The following RALYL variants were observed in gnomAD, a reference collection of about 807,000 sequenced individuals.
The protein encoded by RALYL is RALY RNA binding protein like.
A neutral mutation model predicts 35.1 loss-of-function variants in RALYL; 29 were observed. The observed-to-expected ratio is 0.83, with a 90% CI of 0.61 to 1.13. The LOEUF is 1.13. Ranked by LOEUF, RALYL falls within the 50% of genes most tolerant of loss-of-function variation. RALYL has a pLI of 0.00. For missense variants in RALYL, 359 were observed against 360.4 expected (o/e 1.00, Z 0.03); for synonymous variants, 120 against 127.6 (o/e 0.94, Z 0.40).
intron 1 of RALYL, among the ~76,000 whole-genome samples, chr8:84,492,586 G>C (rs1292730515): frequency 6.6e-6 from 1 of 151,938 alleles, no homozygotes; most frequent in Non-Finnish European, 1.5e-5. Flanking sequence ...TTATGAAACT[G>C]CTCATGCTTT....
intron 6 of RALYL, among the ~76,000 whole-genome samples, chr8:84,869,980 GAGC>G (rs1223005022): frequency 3.3e-5 from 5 of 152,178 alleles, no homozygotes; most frequent in African/African-American, 9.6e-5. Context: ...TCTATAGAGA[GAGC>G]AGATCTGAAA....
At chr8:84,774,757 C>T in intron 3 of RALYL, 103 bp downstream of exon 3, 1 of 723,728 alleles carries the variant, frequency 1.4e-6, no homozygotes, top group Non-Finnish European at 2.4e-6. Context: ...AAATAATAAT[C>T]CTTATTGGAA....
At chr8:84,524,038 G>A (rs1168515516) in intron 1 of RALYL, among the ~76,000 whole-genome samples, 1 of 151,980 alleles carries the variant, frequency 6.6e-6, no homozygotes, top group Non-Finnish European at 1.5e-5. Flanking sequence ...CCCAGTAATG[G>A]GATGGCTGGG....
rs1365896643 is a variant in RALYL at position 84,888,815 on chromosome 8, TCTC to T, written c.858+1040_858+1042del. ...CCCAGGCTGGAGTGCAGTAGCATGA[TCTC>T]AGCTCACTGCAACCTCCGCCCCCCT... is the stretch of plus-strand genomic sequence containing the variant. On this transcript the variant is annotated intron_variant, in intron 8 of 8. Transcript: ENST00000521268. Among the ~76,000 whole-genome samples the T allele has an allele frequency of 3.9e-5, 6 of 152,316 alleles. No individual in the cohort carries two copies. The East Asian group carries it at 1.2e-3, about 29-fold the overall frequency.
chr8:84,431,608 A>G (rs1373710094), intron 1 of RALYL, among the ~76,000 whole-genome samples: 1 of 152,150 alleles, frequency 6.6e-6, no homozygotes, highest in Non-Finnish European at 1.5e-5. Context: ...GTTGTATAGT[A>G]TCAACCTTTT....
chr8:84,634,079 C>T (rs1345758008), intron 2 of RALYL, among the ~76,000 whole-genome samples: 1 of 151,806 alleles, frequency 6.6e-6, no homozygotes, highest in Non-Finnish European at 1.5e-5. Flanking sequence ...TTAAACTAAG[C>T]ATCAACCTGA....
intron 1 of RALYL, among the ~76,000 whole-genome samples, chr8:84,212,785 C>T (rs1346124282): frequency 6.6e-6 from 1 of 152,172 alleles, no homozygotes; most frequent in East Asian, 1.9e-4. Context: ...GATCAGTATT[C>T]TCTTAGGCAT....
intron 2 of RALYL, among the ~76,000 whole-genome samples, chr8:84,636,957 A>G (rs960324590): frequency 1.3e-5 from 2 of 151,896 alleles, no homozygotes; most frequent in African/African-American, 2.4e-5. Flanking sequence ...TGTTCTAACT[A>G]TTCTGCTGTG....
intron 1 of RALYL, among the ~76,000 whole-genome samples, chr8:84,253,631 G>A (rs1001060661): frequency 5.9e-5 from 9 of 152,122 alleles, no homozygotes; most frequent in Non-Finnish European, 8.8e-5. Flanking sequence ...TACAGTTCTT[G>A]TATCAGACCT....
At chr8:84,281,562 C>T (rs1337221197) in intron 1 of RALYL, among the ~76,000 whole-genome samples, 14 of 151,886 alleles carry the variant, frequency 9.2e-5, no homozygotes, top group Admixed American at 7.2e-4. Flanking sequence ...CCAGAATTAT[C>T]TTCTTCTAAT....
At chr8:84,189,502 G>A (rs1182911090) in intron 1 of RALYL, among the ~76,000 whole-genome samples, 1 of 152,094 alleles carries the variant, frequency 6.6e-6, no homozygotes, top group African/African-American at 2.4e-5. Flanking sequence ...AAATCAAGAT[G>A]AGAGGGAAAG....
At chr8:84,738,607 C>T (rs531553836) in intron 2 of RALYL, among the ~76,000 whole-genome samples, 5 of 152,096 alleles carry the variant, frequency 3.3e-5, no homozygotes, top group Admixed American at 1.3e-4. Context: ...GCCTCTGCAG[C>T]TACATCTTCA....
chr8:84,812,524 A>G (rs1826142707), intron 4 of RALYL, among the ~76,000 whole-genome samples: 2 of 152,122 alleles, frequency 1.3e-5, no homozygotes, highest in South Asian at 4.1e-4. Flanking sequence ...TTCAGCTACC[A>G]GGGTGAGTAG....
intron 1 of RALYL, among the ~76,000 whole-genome samples, chr8:84,334,356 T>C (rs188645738): frequency 0.027 from 4,120 of 152,088 alleles, 98 homozygotes; most frequent in Non-Finnish European, 0.031. Flanking sequence ...TTATCAATTA[T>C]GTATAATAAT....
At chr8:84,220,197 G>A (rs1821852547) in intron 1 of RALYL, among the ~76,000 whole-genome samples, 1 of 152,170 alleles carries the variant, frequency 6.6e-6, no homozygotes, top group South Asian at 2.1e-4. Context: ...TGAGATTAAT[G>A]CTGCTACAGT....
chr8:84,312,866 C>T (rs1459038164), intron 1 of RALYL, among the ~76,000 whole-genome samples: 1 of 152,212 alleles, frequency 6.6e-6, no homozygotes, highest in East Asian at 1.9e-4. Context: ...CTCACAGCTC[C>T]ACTAGGCTCT....
intron 2 of RALYL, among the ~76,000 whole-genome samples, chr8:84,752,916 G>A (rs1189837912): frequency 1.3e-5 from 2 of 152,150 alleles, no homozygotes; most frequent in Non-Finnish European, 2.9e-5. Flanking sequence ...GTGTAAAGGG[G>A]CAATAAGTCC....
intron 1 of RALYL, among the ~76,000 whole-genome samples, chr8:84,428,616 G>A (rs1234198982): frequency 6.6e-6 from 1 of 151,990 alleles, no homozygotes; most frequent in African/African-American, 2.4e-5. Context: ...AATTAAATTG[G>A]AAATTTTACT....
At chr8:84,480,570 TA>T (rs2053938769) in intron 1 of RALYL, among the ~76,000 whole-genome samples, 1 of 152,030 alleles carries the variant, frequency 6.6e-6, no homozygotes, top group Admixed American at 6.6e-5. Context: ...CACAGAAAAG[TA>T]AACAGGGATT....
Sources: allele counts gnomAD v4.1 joint callset (sites outside exome capture counted in the v4.1 genomes callset), GRCh38; gene constraint gnomAD v4.1.1; transcripts MANE v1.5; gene names NCBI Gene and HGNC (gene_info 2026-07-23, HGNC 2026-07-21).